The following HSD17B12 variants were observed in gnomAD, a reference collection of about 807,000 sequenced individuals.
HSD17B12 encodes the protein hydroxysteroid 17-beta dehydrogenase 12.
Under a neutral mutation model 39.3 loss-of-function variants are expected in HSD17B12, and 32 were observed. The observed-to-expected ratio is 0.81, with a 90% CI of 0.61 to 1.09. The LOEUF (loss-of-function observed/expected upper bound fraction) is 1.09, where lower values mean the gene tolerates loss of function less well. Ranked by LOEUF, HSD17B12 falls within the 50% of genes least tolerant of loss-of-function variation. The pLI is 0.00. For missense variants in HSD17B12, 342 were observed against 382.9 expected, an observed-to-expected ratio of 0.89 and a Z score of 0.89; for synonymous variants, 150 against 146.7, an observed-to-expected ratio of 1.02 and a Z score of -0.16.
the HSD17B12 span, among the ~76,000 whole-genome samples, chr11:43,561,232 T>G: frequency 6.6e-6 from 1 of 152,236 alleles, no homozygotes; most frequent in South Asian, 2.1e-4. Flanking sequence ...TGAATAATTG[T>G]GCTAATTATT....
At chr11:43,672,749 C>T in the HSD17B12 span, among the ~76,000 whole-genome samples, 15 of 151,896 alleles carry the variant, frequency 9.9e-5, no homozygotes, top group Admixed American at 7.9e-4. Flanking sequence ...CCATGTTGGC[C>T]AGACTGGTCA....
At chr11:43,760,152 CCTGCCAAAGTGCTGG>C (rs1950543674) in intron 3 of HSD17B12, among the ~76,000 whole-genome samples, 1 of 152,126 alleles carries the variant, frequency 6.6e-6, no homozygotes, top group African/African-American at 2.4e-5. Context: ...CCCACCTCGG[CCTGCCAAAGTGCTGG>C]GATTACAGGC....
the HSD17B12 span, among the ~76,000 whole-genome samples, chr11:43,576,424 C>G: frequency 6.6e-6 from 1 of 151,982 alleles, no homozygotes; most frequent in Admixed American, 6.6e-5. Context: ...AGAAATAAAC[C>G]GAGGGCTGTA....
chr11:43,789,531 G>A (rs1200815914), intron 3 of HSD17B12, among the ~76,000 whole-genome samples: 1 of 152,182 alleles, frequency 6.6e-6, no homozygotes, highest in Non-Finnish European at 1.5e-5. Flanking sequence ...GAGCACCTGG[G>A]CCTTGGTTTA....
chr11:43,755,731 A>T (rs1310539311), intron 3 of HSD17B12, among the ~76,000 whole-genome samples: 1 of 152,198 alleles, frequency 6.6e-6, no homozygotes, highest in Non-Finnish European at 1.5e-5. Context: ...CAACATACTT[A>T]TGAGGTATAT....
intron 1 of HSD17B12, among the ~76,000 whole-genome samples, chr11:43,689,378 A>G (rs1193334822): frequency 6.6e-6 from 1 of 152,100 alleles, no homozygotes; most frequent in Admixed American, 6.5e-5. Flanking sequence ...GCTCTCCTGC[A>G]GTTGATTCTC....
At chr11:43,684,045 T>A (rs1949775137) in intron 1 of HSD17B12, among the ~76,000 whole-genome samples, 1 of 152,244 alleles carries the variant, frequency 6.6e-6, no homozygotes, top group South Asian at 2.1e-4. Flanking sequence ...TTAGTGTTGT[T>A]AGGCTTTCAA....
At chr11:43,720,262 T>C (rs10838156) in intron 1 of HSD17B12, among the ~76,000 whole-genome samples, 147,819 of 152,300 alleles carry the variant, frequency 0.97, 71,887 homozygotes, top group Middle Eastern at 1. Flanking sequence ...TTCTCTCTTC[T>C]CCATACTTTA....
At chr11:43,793,900 CA>C (rs1163970778) in intron 3 of HSD17B12, among the ~76,000 whole-genome samples, 1 of 152,182 alleles carries the variant, frequency 6.6e-6, no homozygotes, top group Non-Finnish European at 1.5e-5. Flanking sequence ...TGCTTTTCCA[CA>C]ATTGTAGTTA....
At chr11:43,848,599 A>G (rs186279135) in intron 9 of HSD17B12, 12 of 152,270 alleles carry the variant, frequency 7.9e-5, no homozygotes, top group Admixed American at 5.2e-4. Context: ...TTAACTGATA[A>G]TATTTTATTT....
At chr11:43,678,577 G>A (rs1333256283), upstream of HSD17B12, among the ~76,000 whole-genome samples, 1 of 152,146 alleles carries the variant, frequency 6.6e-6, no homozygotes, top group East Asian at 1.9e-4. Context: ...GGTCTAACAT[G>A]TAAGTCTTTA....
intron 1 of HSD17B12, among the ~76,000 whole-genome samples, chr11:43,682,907 T>C (rs1011332712): frequency 6.6e-6 from 1 of 151,942 alleles, no homozygotes; most frequent in African/African-American, 2.4e-5. Flanking sequence ...TCCTCCCATG[T>C]GAGCCTCCTG....
At chr11:43,771,792 A>T (rs1950653026) in intron 3 of HSD17B12, among the ~76,000 whole-genome samples, 1 of 152,012 alleles carries the variant, frequency 6.6e-6, no homozygotes, top group South Asian at 2.1e-4. Context: ...TCTCTTTCTC[A>T]TGTATAAAGC....
the HSD17B12 span, among the ~76,000 whole-genome samples, chr11:43,582,899 G>C: frequency 5.9e-5 from 9 of 152,260 alleles, no homozygotes; most frequent in African/African-American, 1.9e-4. Flanking sequence ...AGAGTAAAAA[G>C]GTTCCTAAGA....
the HSD17B12 span, among the ~76,000 whole-genome samples, chr11:43,576,878 C>T: frequency 1.3e-5 from 2 of 152,106 alleles, no homozygotes; most frequent in Non-Finnish European, 1.5e-5. Flanking sequence ...TGCTGCAACT[C>T]TCTCTCGCGT....
intron 2 of HSD17B12, among the ~76,000 whole-genome samples, chr11:43,752,052 G>A (rs1250402079): frequency 6.6e-6 from 1 of 152,092 alleles, no homozygotes; most frequent in Non-Finnish European, 1.5e-5. Flanking sequence ...ATGTCTCTTA[G>A]TCTCCATTAA....
intron 3 of HSD17B12, among the ~76,000 whole-genome samples, chr11:43,788,335 A>G (rs1008737892): frequency 8.5e-5 from 13 of 152,256 alleles, no homozygotes; most frequent in Non-Finnish European, 1.6e-4. Context: ...ATGCTGAGAC[A>G]TAATCACAGG....
intron 1 of HSD17B12, among the ~76,000 whole-genome samples, chr11:43,744,101 TA>T (rs1950392817): frequency 6.6e-6 from 1 of 152,058 alleles, no homozygotes; most frequent in African/African-American, 2.4e-5. Context: ...TATAGGAAAG[TA>T]GAGCAAAAAG....
the HSD17B12 span, among the ~76,000 whole-genome samples, chr11:43,589,388 A>AT: frequency 6.6e-6 from 1 of 152,090 alleles, no homozygotes; most frequent in African/African-American, 2.4e-5. Flanking sequence ...TGGTCCCTAC[A>AT]TTTTCTGGGT....
Sources: allele counts gnomAD v4.1 joint callset (sites outside exome capture counted in the v4.1 genomes callset), GRCh38; gene constraint gnomAD v4.1.1; transcripts MANE v1.5; gene names NCBI Gene and HGNC (gene_info 2026-07-23, HGNC 2026-07-21).